CTSB: variants seen among roughly 807,000 people sequenced by gnomAD.
The protein encoded by CTSB is cathepsin B.
In CTSB, 57 loss-of-function variants were observed where a neutral mutation model predicts 44.3. The ratio of observed to expected loss-of-function variants is 1.29; its 90% CI spans 1.04 to 1.60. The LOEUF is 1.60. Ranked by LOEUF, CTSB falls within the 40% of genes most tolerant of loss-of-function variation. The pLI is 0.00. For synonymous variants in CTSB, 320 were observed against 168.0 expected (o/e 1.91, Z -7.00); for missense variants, 768 against 443.0 (o/e 1.73, Z -6.59).
At position 11,844,591 on chromosome 8, in the gene CTSB, TAAAG is replaced by T. The variant is rs975155710; in HGVS notation, c.*530_*533del. On this transcript the variant is annotated 3_prime_UTR_variant, in exon 10 of 10. Coordinates refer to ENST00000353047, the MANE Select transcript of CTSB (RefSeq NM_001908.5). ...GTGCACGAAAAAATAAAACTTCTAT[TAAAG>T]AATCATGCTGAGCACAAGATCAGAG... 6.6e-6 allele frequency: 1 copy of T among 152,662 alleles called. No homozygotes were observed. The highest frequency in any genetic ancestry group is 2.4e-5 in the African/African-American group (1 of 41,414). 9.5% of individuals were successfully genotyped at this position (152,662 alleles called of 1,614,324 possible).
chr8:11,852,094 G>T (rs1214565819), intron 3 of CTSB, among the ~76,000 whole-genome samples: 1 of 152,184 alleles, frequency 6.6e-6, no homozygotes, highest in African/African-American at 2.4e-5. Context: ...GAAAACACTG[G>T]GGGTGGCTCA....
At chr8:11,850,451 A>G (rs1364145632) in intron 4 of CTSB, among the ~76,000 whole-genome samples, 1 of 149,840 alleles carries the variant, frequency 6.7e-6, no homozygotes, top group East Asian at 1.9e-4. Flanking sequence ...AGAAAGAAAA[A>G]GAAAACAAAA....
At chr8:11,848,393 C>G (rs1390624483) in intron 5 of CTSB, 2 of 646,072 alleles carry the variant, frequency 3.1e-6, no homozygotes, top group Non-Finnish European at 5.7e-6. Context: ...ACAGGAGGCT[C>G]TCCTGTTCAT....
At position 11,845,156 on chromosome 8, in the gene CTSB, G is replaced by A; in HGVS notation, c.989C>T (p.Pro330Leu). 3 of 1,613,928 alleles carry A rather than the reference G, an allele frequency of 1.9e-6. No individual in the cohort carries two copies. The highest frequency in any genetic ancestry group is 2.2e-5 in the East Asian group (1 of 44,886). ...GIESEVVAGI[P>L]RTDQYWEKI ...CTTTTCCCAGTACTGATCGGTGCGT[G>A]GAATTCCAGCCACCACTTCTGATTC... Residue 330 changes from proline to leucine, a missense_variant, in exon 10 of 10, where the codon CCA (proline) becomes CTA (leucine). Physicochemically the swap from Pro to Leu is moderately conservative, Grantham distance 98. Transcript: ENST00000353047.
At position 11,843,251 on chromosome 8, in the gene CTSB, T is replaced by A. The variant is rs188947747; in HGVS notation, c.*1874A>T. ...CGTGAGCCACGACGGCCGGCTGTTA[T>A]GCTCATCATGGCACTTAAGAGATGC... On this transcript the variant is annotated 3_prime_UTR_variant, in exon 10 of 10. Coordinates refer to ENST00000353047, the MANE Select transcript of CTSB (RefSeq NM_001908.5). The A allele has an allele frequency of 2.6e-5, 4 of 152,174 alleles. No individual in the cohort carries two copies. The highest frequency in any genetic ancestry group is 2.1e-4 in the South Asian group (1 of 4,834). The allele number at this position is 152,174 out of a possible 1,614,324, so 9.4% of individuals were successfully genotyped here. A position where few individuals can be genotyped will look rare whatever the true frequency, so the allele number is the denominator to read the frequency against.
rs1813881479 is a variant in CTSB, at chr8:11,848,473, A to G, written c.447-321T>C. 6.7e-6 allele frequency: 3 copies of G among 444,836 alleles called. No individual in the cohort carries two copies. The Admixed American group carries it at 1.0e-4, about 15-fold the overall frequency. The allele number at this position is 444,836 out of a possible 1,614,324, so 27.6% of individuals were successfully genotyped here. ...TGATTCTCAACTGAGCAGACGCTAA[A>G]CTTCCCTAAGGTACTTAAAAACACC... On this transcript the variant is annotated intron_variant, in intron 5 of 9. Coordinates refer to ENST00000353047, the MANE Select transcript of CTSB (RefSeq NM_001908.5).
rs542453941 is a variant in CTSB, at chr8:11,851,185, T to G, written c.213-205A>C. Among the ~76,000 whole-genome samples the G allele has an allele frequency of 8.4e-5, 10 of 118,676 alleles. No homozygotes were observed. The South Asian group carries it at 8.7e-4, about 10-fold the overall frequency. 77.9% of individuals were successfully genotyped at this position (118,676 alleles called of 152,430 possible). The stretch of plus-strand genomic sequence containing the variant: ...TCAATGCACCTTTTGATTTTTTTTT[T>G]GGGTGGGACGGGAGGGTGGGAGTGG... On this transcript the variant is annotated intron_variant, in intron 3 of 9. Transcript: ENST00000353047.
Position 11,844,927 on chromosome 8 carries a change from C to G in CTSB, c.*198G>C, listed in dbSNP as rs772707613. On this transcript the variant is annotated 3_prime_UTR_variant, in exon 10 of 10. Coordinates refer to ENST00000353047, the MANE Select transcript of CTSB (RefSeq NM_001908.5). Reference sequence around the variant, plus strand: ...GGACGCTCTGTGCTGGCAGCGGTGGCTCACATGGCCTGTCTGCACTGTAAC... The same window carrying G: ...GGACGCTCTGTGCTGGCAGCGGTGGGTCACATGGCCTGTCTGCACTGTAAC... 2 of 582,568 alleles carry G rather than the reference C, an allele frequency of 3.4e-6. No homozygotes were observed. The highest frequency in any genetic ancestry group is 5.6e-5 in the East Asian group (2 of 35,616). 36.1% of individuals were successfully genotyped at this position (582,568 alleles called of 1,614,324 possible).
chr8:11,853,196 G>C (rs1390422616), intron 2 of CTSB, 133 bp downstream of exon 2: 1 of 1,282,466 alleles, frequency 7.8e-7, no homozygotes, highest in Non-Finnish European at 1.1e-6. Flanking sequence ...ATGACTCAGG[G>C]TCAGGGCCAT....
intron 4 of CTSB, chr8:11,849,397 TG>T (rs1814118477): frequency 2.9e-6 from 1 of 349,626 alleles, no homozygotes; most frequent in Non-Finnish European, 5.6e-6. Context: ...TTGCCCACCT[TG>T]GCCTCCCAAA....
intron 1 of CTSB, among the ~76,000 whole-genome samples, chr8:11,861,894 G>A (rs938089492): frequency 2.6e-5 from 4 of 152,202 alleles, no homozygotes; most frequent in South Asian, 2.1e-4. Context: ...TGAGGCTGAC[G>A]CGAAGGCCAG....
chr8:11,848,561 T>C, intron 5 of CTSB: 1 of 341,336 alleles, frequency 2.9e-6, no homozygotes. Context: ...GAGAAGCCCA[T>C]GCATTTTTTT....
At chr8:11,857,090 C>T (rs2150426787) in intron 1 of CTSB, among the ~76,000 whole-genome samples, 1 of 152,308 alleles carries the variant, frequency 6.6e-6, no homozygotes, top group East Asian at 1.9e-4. Flanking sequence ...GTGGCGCAAT[C>T]TTGGCTCACT....
intron 1 of CTSB, among the ~76,000 whole-genome samples, chr8:11,863,958 GAC>G (rs1291740413): frequency 6.6e-6 from 1 of 152,176 alleles, no homozygotes; most frequent in African/African-American, 2.4e-5. Context: ...GTATCTGGGA[GAC>G]ACAGGATATT....
At chr8:11,848,918 T>G (rs565697292) in intron 5 of CTSB, 128 bp downstream of exon 5, 2 of 654,266 alleles carry the variant, frequency 3.1e-6, no homozygotes, top group Non-Finnish European at 5.3e-6. Flanking sequence ...TGCCAGACTC[T>G]CGGAGTCTCC....
rs751754941 is a variant in CTSB, at chr8:11,845,140, G to C, written c.1005C>G (p.Tyr335Ter). ...CCACGGCAGATTAGATCTTTTCCCA[G>C]TACTGATCGGTGCGTGGAATTCCAG... is the stretch of plus-strand genomic sequence containing the variant. Reference protein sequence around the residue: ...VVAGIPRTDQYWEKI With the variant: ...VVAGIPRTDQ The change falls in exon 10 of 10, where the codon TAC (tyrosine) becomes TAG (stop). Residue 335 changes from tyrosine to a stop codon, truncating the protein, a stop_gained. Transcript: ENST00000353047. LOFTEE classifies it high-confidence loss of function. 2.5e-6 allele frequency: 4 copies of C among 1,612,946 alleles called. No individual in the cohort carries two copies. Among genetic ancestry groups the C allele is most frequent in the East Asian group, 2.2e-5 (1 of 44,880 alleles).
rs923724713 is a variant in CTSB at position 11,843,878 on chromosome 8, A to G, written c.*1247T>C. ...AAATCCTGTATGTACTTAAAAATACAAAAATTACCCAGGCATATTGGTGAG... is the reference window on the plus strand; with the variant it reads ...AAATCCTGTATGTACTTAAAAATACGAAAATTACCCAGGCATATTGGTGAG... On this transcript the variant is annotated 3_prime_UTR_variant, in exon 10 of 10. Transcript: ENST00000353047. The G allele has an allele frequency of 1.3e-5, 2 of 149,172 alleles. No individual in the cohort carries two copies. Among genetic ancestry groups the G allele is most frequent in the Non-Finnish European group, 2.9e-5 (2 of 68,038 alleles). 9.2% of individuals were successfully genotyped at this position (149,172 alleles called of 1,614,324 possible). A position where few individuals can be genotyped will look rare whatever the true frequency, so the allele number is the denominator to read the frequency against.
Position 11,848,152 on chromosome 8 carries a change from G to C in CTSB, c.447C>G (p.Gly149=), listed in dbSNP as rs1351329097. The part of the protein sequence containing the change: ...LTCCGSMCGD[G]CNGGYPAEAW... ...CTTCAGCAGGATAGCCACCATTACA[G>C]CTGAAAAGACAGCCTCTAATGAAAA... Residue 149 remains glycine (G), a splice_region_variant and synonymous_variant, in exon 6 of 10, where the codon GGC becomes GGG. Coordinates refer to ENST00000353047, the MANE Select transcript of CTSB (RefSeq NM_001908.5). 1 of 1,613,792 alleles carries C rather than the reference G, an allele frequency of 6.2e-7. No homozygotes were observed. Among genetic ancestry groups the C allele is most frequent in the Non-Finnish European group, 8.5e-7 (1 of 1,179,674 alleles).
chr8:11,848,449 G>C (rs1225996680), intron 5 of CTSB: 1 of 504,822 alleles, frequency 2.0e-6, no homozygotes, highest in East Asian at 3.9e-5. Context: ...GTAGAACACT[G>C]ATTCTCAACT....
Sources: allele counts gnomAD v4.1 joint callset (sites outside exome capture counted in the v4.1 genomes callset), GRCh38; gene constraint gnomAD v4.1.1; transcripts MANE v1.5; gene names NCBI Gene and HGNC (gene_info 2026-07-23, HGNC 2026-07-21).